Variants in GPHN observed in about 807,000 individuals in gnomAD.
GPHN encodes the protein gephyrin.
GPHN carries 17 observed loss-of-function variants against 95.5 expected under a neutral mutation model. The observed-to-expected ratio is 0.18, with a 90% CI of 0.12 to 0.27. The LOEUF is 0.27. Ranked by LOEUF, GPHN falls within the 10% of genes least tolerant of loss-of-function variation. The probability of loss-of-function intolerance (pLI) is 1.00; values close to 1 mark genes in which losing one functional copy is unlikely to be tolerated. For synonymous variants in GPHN, 320 were observed against 322.5 expected, an observed-to-expected ratio of 0.99 and a Z score of 0.08; for missense variants, 660 against 978.1, an observed-to-expected ratio of 0.67 and a Z score of 4.34.
the GPHN span, chr14:67,345,754 C>A: frequency 6.3e-7 from 1 of 1,579,078 alleles, no homozygotes. Context: ...TTCTCCAGGT[C>A]TTTTGCTACT....
chr14:67,689,375 G>C, the GPHN span, among the ~76,000 whole-genome samples: 11 of 152,146 alleles, frequency 7.2e-5, no homozygotes, highest in Non-Finnish European at 2.9e-5. Context: ...ATCCAGAGTA[G>C]ACAGTGCTAA....
At chr14:67,550,746 CAT>C in the GPHN span, among the ~76,000 whole-genome samples, 2 of 152,174 alleles carry the variant, frequency 1.3e-5, no homozygotes, top group Admixed American at 6.5e-5. Flanking sequence ...TTTTATGTGA[CAT>C]GTGAGATTTG....
chr14:66,750,779 T>A (rs192945832), intron 2 of GPHN, among the ~76,000 whole-genome samples: 23 of 152,104 alleles, frequency 1.5e-4, no homozygotes, highest in Non-Finnish European at 2.9e-4. Flanking sequence ...AAGACTTCAT[T>A]ACTTTGCTAC....
chr14:66,940,259 TG>T (rs2067347423), intron 8 of GPHN, among the ~76,000 whole-genome samples: 1 of 151,768 alleles, frequency 6.6e-6, no homozygotes, highest in Admixed American at 6.6e-5. Flanking sequence ...GTTTTGTTGT[TG>T]TTTTTTTTCA....
At chr14:66,642,060 A>G (rs1308464783) in intron 1 of GPHN, among the ~76,000 whole-genome samples, 1 of 152,196 alleles carries the variant, frequency 6.6e-6, no homozygotes, top group Non-Finnish European at 1.5e-5. Flanking sequence ...GTGCAAGAAT[A>G]GGCTAGTGTA....
intron 1 of GPHN, among the ~76,000 whole-genome samples, chr14:66,637,706 A>C (rs1362561702): frequency 1.3e-5 from 2 of 152,172 alleles, no homozygotes; most frequent in African/African-American, 4.8e-5. Flanking sequence ...AATCATGTGT[A>C]TTATATATTA....
At chr14:67,473,093 G>T in the GPHN span, 1 of 319,406 alleles carries the variant, frequency 3.1e-6, no homozygotes, top group Non-Finnish European at 5.9e-6. The surrounding 1 kb of genome is among the most constrained non-coding windows in gnomAD (Gnocchi z 6.5). Context: ...TTGTCCCTTG[G>T]CCAGGACAGG....
At chr14:67,709,967 C>T in the GPHN span, among the ~76,000 whole-genome samples, 3 of 152,186 alleles carry the variant, frequency 2.0e-5, no homozygotes, top group African/African-American at 7.2e-5. Flanking sequence ...ATCTAATTTG[C>T]CTCCTTTGGA....
chr14:67,400,900 C>A, the GPHN span, among the ~76,000 whole-genome samples: 4 of 151,020 alleles, frequency 2.6e-5, no homozygotes, highest in Non-Finnish European at 5.9e-5. Flanking sequence ...TGAGGAGGGA[C>A]AATCATTTAA....
At chr14:66,727,050 A>G (rs1272482844) in intron 2 of GPHN, among the ~76,000 whole-genome samples, 3 of 152,150 alleles carry the variant, frequency 2.0e-5, no homozygotes, top group Admixed American at 2.0e-4. Context: ...GGTGAGACAT[A>G]ATTGAATCAT....
chr14:66,989,997 C>T (rs2071295447), intron 9 of GPHN, among the ~76,000 whole-genome samples: 1 of 152,088 alleles, frequency 6.6e-6, no homozygotes, highest in African/African-American at 2.4e-5. Flanking sequence ...AAAGATACTA[C>T]CTGAGACTGG....
At chr14:67,455,657 C>T in the GPHN span, among the ~76,000 whole-genome samples, 19 of 152,184 alleles carry the variant, frequency 1.2e-4, no homozygotes, top group African/African-American at 3.9e-4. Context: ...TTCTGCTTCC[C>T]TTTAAAGTCA....
chr14:66,855,360 A>T (rs369469106), intron 4 of GPHN, among the ~76,000 whole-genome samples: 1 of 152,130 alleles, frequency 6.6e-6, no homozygotes, highest in African/African-American at 2.4e-5. Flanking sequence ...TAAATATTTC[A>T]TGTAAGTGCA....
At chr14:66,800,274 T>A (rs1201634307) in intron 3 of GPHN, among the ~76,000 whole-genome samples, 1 of 152,148 alleles carries the variant, frequency 6.6e-6, no homozygotes, top group Non-Finnish European at 1.5e-5. Context: ...TTCTGTATTT[T>A]TCTGTGTACT....
At chr14:67,388,161 A>G in the GPHN span, 21 of 1,010,140 alleles carry the variant, frequency 2.1e-5, no homozygotes, top group East Asian at 4.1e-4. Flanking sequence ...TTAGTGGGAC[A>G]TTACTGAGGT....
intron 3 of GPHN, among the ~76,000 whole-genome samples, chr14:66,798,745 T>C (rs1383432569): frequency 6.6e-6 from 1 of 151,874 alleles, no homozygotes; most frequent in Admixed American, 6.6e-5. Flanking sequence ...CAATATTGTT[T>C]AATTTTTCAA....
At chr14:67,134,711 C>T (rs1303857775) in intron 17 of GPHN, among the ~76,000 whole-genome samples, 2 of 151,990 alleles carry the variant, frequency 1.3e-5, no homozygotes, top group African/African-American at 4.8e-5. Flanking sequence ...TGTTGTGTCT[C>T]TTTATTCTTT....
At chr14:67,426,013 G>A in the GPHN span, among the ~76,000 whole-genome samples, 1 of 151,854 alleles carries the variant, frequency 6.6e-6, no homozygotes, top group Non-Finnish European at 1.5e-5. Context: ...CCAAAGTGCT[G>A]GGATTACAGG....
intron 2 of GPHN, among the ~76,000 whole-genome samples, chr14:66,763,241 T>TTTA (rs1319352473): frequency 6.6e-6 from 1 of 150,816 alleles, no homozygotes; most frequent in Non-Finnish European, 1.5e-5. Flanking sequence ...TTTTTCTTTT[T>TTTA]TTATTATTAT....
Sources: allele counts gnomAD v4.1 joint callset (sites outside exome capture counted in the v4.1 genomes callset), GRCh38; gene constraint gnomAD v4.1.1; non-coding constraint Gnocchi (gnomAD v3.1); transcripts MANE v1.5; gene names NCBI Gene and HGNC (gene_info 2026-07-23, HGNC 2026-07-21).